The following TRABD2B variants were observed in gnomAD, a reference collection of about 807,000 sequenced individuals.
TRABD2B encodes TraB domain containing 2B, also known as metalloprotease TIKI2.
Under a neutral mutation model 40.1 loss-of-function variants are expected in TRABD2B, and 14 were observed. The ratio of observed to expected loss-of-function variants is 0.35; its 90% confidence interval spans 0.23 to 0.55. The LOEUF (loss-of-function observed/expected upper bound fraction) is 0.55. Ranked by LOEUF, TRABD2B falls within the 20% of genes least tolerant of loss-of-function variation. TRABD2B has a pLI of 0.90. For synonymous variants in TRABD2B, 263 were observed against 277.0 expected, an observed-to-expected ratio of 0.95 and a Z score of 0.50; for missense variants, 541 against 648.6, an observed-to-expected ratio of 0.83 and a Z score of 1.80.
chr1:47,950,655 G>A (rs563160770), intron 2 of TRABD2B, among the ~76,000 whole-genome samples: 22 of 152,298 alleles, frequency 1.4e-4, no homozygotes, highest in African/African-American at 5.1e-4. Context: ...AGAGATGGCT[G>A]CAGACAAGCA....
rs769900241 is a variant in TRABD2B at position 47,829,937 on chromosome 1, T to C, written c.667-28318A>G. Among the ~76,000 whole-genome samples, 241 of 152,328 alleles carry C rather than the reference T, an allele frequency of 1.6e-3. 2 individuals carry two copies. The highest frequency in any genetic ancestry group is 3.4e-3 in the Middle Eastern group (1 of 294). ...TTTTACCTGGCTATACTGGGCTTCT[T>C]TGTGTCAGGCCTTCTCTGGTCTCTG... is the stretch of plus-strand genomic sequence containing the variant. On this transcript the variant is annotated intron_variant, in intron 2 of 6. Transcript: ENST00000606738.
chr1:47,808,858 G>A (rs553621278), intron 2 of TRABD2B, among the ~76,000 whole-genome samples: 2 of 152,270 alleles, frequency 1.3e-5, no homozygotes, highest in African/African-American at 2.4e-5. Context: ...GACAAGTAGG[G>A]GCCAGTCTTT....
Position 47,994,703 on chromosome 1 carries a change from A to G in TRABD2B, c.103-106T>C. On this transcript the variant is annotated intron_variant, in intron 1 of 6. Transcript: ENST00000606738. The surrounding 1 kb of genome is among the most constrained non-coding windows in gnomAD (Gnocchi z 6.7). ...AGGGAGGTGGGGATGGGAGGCAGAG[A>G]CCATACACAGGCCGTGGTAAAGAGC... is the stretch of plus-strand genomic sequence containing the variant. 9.9e-7 allele frequency: 1 copy of G among 1,009,380 alleles called. No individual in the cohort carries two copies. The highest frequency in any genetic ancestry group is 2.6e-5 in the East Asian group (1 of 38,162). 62.5% of individuals were successfully genotyped at this position (1,009,380 alleles called of 1,614,324 possible). A position where few individuals can be genotyped will look rare whatever the true frequency, so the allele number is the denominator to read the frequency against.
rs1462641408 is a variant in TRABD2B at position 47,761,171 on chromosome 1, A to T, written c.*4731T>A. ...TGAGGAAGTGAAGGCTCAGAGAGGG[A>T]CAGGAACTTGCCCAAGGTCATCCAG... On this transcript the variant is annotated 3_prime_UTR_variant, in exon 7 of 7. Coordinates refer to ENST00000606738, the MANE Select transcript of TRABD2B (RefSeq NM_001194986.2). The T allele has an allele frequency of 6.6e-6, 1 of 152,474 alleles. No homozygotes were observed. The highest frequency in any genetic ancestry group is 2.4e-5 in the African/African-American group (1 of 41,466). 9.4% of individuals were successfully genotyped at this position (152,474 alleles called of 1,614,324 possible). A position where few individuals can be genotyped will look rare whatever the true frequency, so the allele number is the denominator to read the frequency against.
Position 47,893,068 on chromosome 1 carries a change from A to C in TRABD2B, c.667-91449T>G, listed in dbSNP as rs1160011940. The stretch of plus-strand genomic sequence containing the variant: ...AGAAGCCATTGTGAGGTCAGTGGTG[A>C]GACAGGTCTATGTCCAGACGCAGTG... On this transcript the variant is annotated intron_variant, in intron 2 of 6. Coordinates refer to ENST00000606738, the MANE Select transcript of TRABD2B (RefSeq NM_001194986.2). Among the ~76,000 whole-genome samples the C allele has an allele frequency of 1.3e-5, 2 of 152,192 alleles. 1 individual carries two copies. The highest frequency in any genetic ancestry group is 4.1e-4 in the South Asian group (2 of 4,830).
chr1:47,791,921 C>T (rs1644679126), intron 4 of TRABD2B, among the ~76,000 whole-genome samples: 1 of 152,182 alleles, frequency 6.6e-6, no homozygotes, highest in Non-Finnish European at 1.5e-5. Flanking sequence ...TTGTCCTGGA[C>T]TTTCTGGGGG....
chr1:47,891,019 A>G (rs1644437544), intron 2 of TRABD2B, among the ~76,000 whole-genome samples: 1 of 132,864 alleles, frequency 7.5e-6, no homozygotes, highest in African/African-American at 2.6e-5. Context: ...ACCCAAGGAG[A>G]GACATAGGGA....
At chr1:47,947,107 G>A (rs1438762503) in intron 2 of TRABD2B, among the ~76,000 whole-genome samples, 1 of 152,190 alleles carries the variant, frequency 6.6e-6, no homozygotes, top group African/African-American at 2.4e-5. Flanking sequence ...AGGCTTAGAA[G>A]AGGGAAGTAG....
chr1:47,770,077 A>C (rs1238783959), intron 6 of TRABD2B, among the ~76,000 whole-genome samples: 3 of 152,146 alleles, frequency 2.0e-5, no homozygotes, highest in Non-Finnish European at 4.4e-5. Flanking sequence ...GAGCCATCCC[A>C]GTCTAGGATC....
rs749900655 is a variant in TRABD2B at position 47,763,202 on chromosome 1, G to A, written c.*2700C>T. ...CAGACATGCAGATTCCTGCATATGT[G>A]CCTCAAGTCTTTTGGGTCATAAGTC... On this transcript the variant is annotated 3_prime_UTR_variant, in exon 7 of 7. Transcript: ENST00000606738. The A allele has an allele frequency of 6.6e-6, 1 of 152,194 alleles. No individual in the cohort carries two copies. Among genetic ancestry groups the A allele is most frequent in the Non-Finnish European group, 1.5e-5 (1 of 68,040 alleles). 9.4% of individuals were successfully genotyped at this position (152,194 alleles called of 1,614,324 possible).
chr1:47,874,125 G>C (rs1173472850), intron 2 of TRABD2B, among the ~76,000 whole-genome samples: 1 of 152,162 alleles, frequency 6.6e-6, no homozygotes, highest in Non-Finnish European at 1.5e-5. Flanking sequence ...CTAGTGCAAG[G>C]GGTAAGTGGG....
intron 2 of TRABD2B, among the ~76,000 whole-genome samples, chr1:47,987,063 C>G (rs899871953): frequency 1.3e-5 from 2 of 152,220 alleles, no homozygotes; most frequent in Non-Finnish European, 2.9e-5. Context: ...AGCTGCATTA[C>G]CAGGCGACCT....
rs1256200848 is a variant in TRABD2B at position 47,763,465 on chromosome 1, T to C, written c.*2437A>G. On this transcript the variant is annotated 3_prime_UTR_variant, in exon 7 of 7. Transcript: ENST00000606738. ...GACTAAGGCTGAATCTTCCTGAAGT[T>C]AGGGGCCAGGACGACGTAATCTAGC... 1 of 152,232 alleles carries C rather than the reference T, an allele frequency of 6.6e-6. No individual in the cohort carries two copies. The highest frequency in any genetic ancestry group is 2.4e-5 in the African/African-American group (1 of 41,452). The allele number at this position is 152,232 out of a possible 1,614,324, so 9.4% of individuals were successfully genotyped here.
At chr1:47,868,062 T>C (rs1457917129) in intron 2 of TRABD2B, among the ~76,000 whole-genome samples, 4 of 152,212 alleles carry the variant, frequency 2.6e-5, no homozygotes, top group Admixed American at 2.0e-4. Context: ...TTTGTTTCTC[T>C]TGAATTCCTA....
chr1:47,885,582 A>G (rs1192017580), intron 2 of TRABD2B, among the ~76,000 whole-genome samples: 1 of 152,096 alleles, frequency 6.6e-6, no homozygotes, highest in Non-Finnish European at 1.5e-5. Context: ...AGCAAGGGGA[A>G]GTTTCTTTAT....
intron 2 of TRABD2B, among the ~76,000 whole-genome samples, chr1:47,894,429 A>G (rs897725602): frequency 6.6e-5 from 10 of 152,338 alleles, no homozygotes; most frequent in Non-Finnish European, 1.0e-4. Context: ...ATAGCAGTGA[A>G]CACAGAAAAG....
At chr1:47,870,812 G>A (rs1035153387) in intron 2 of TRABD2B, among the ~76,000 whole-genome samples, 3 of 152,198 alleles carry the variant, frequency 2.0e-5, no homozygotes, top group Non-Finnish European at 4.4e-5. Flanking sequence ...CTTAAACTTA[G>A]TGTGTCAGGG....
At chr1:47,948,974 C>T (rs937612506) in intron 2 of TRABD2B, among the ~76,000 whole-genome samples, 1 of 152,168 alleles carries the variant, frequency 6.6e-6, no homozygotes, top group African/African-American at 2.4e-5. Flanking sequence ...AAGACTAATA[C>T]ACTGACATTA....
chr1:47,903,799 C>G (rs1393651226), intron 2 of TRABD2B, among the ~76,000 whole-genome samples: 1 of 152,292 alleles, frequency 6.6e-6, no homozygotes, highest in South Asian at 2.1e-4. Flanking sequence ...CTGCATTAAG[C>G]TAAAAACTTA....
Sources: allele counts gnomAD v4.1 joint callset (sites outside exome capture counted in the v4.1 genomes callset), GRCh38; gene constraint gnomAD v4.1.1; non-coding constraint Gnocchi (gnomAD v3.1); transcripts MANE v1.5; gene names NCBI Gene and HGNC (gene_info 2026-07-23, HGNC 2026-07-21).